LARGE1: variants seen among roughly 807,000 people sequenced by gnomAD.
The protein encoded by LARGE1 is LARGE xylosyl- and glucuronyltransferase 1.
In LARGE1, 43 loss-of-function variants were observed where a neutral mutation model predicts 87.6. That is an observed-to-expected ratio of 0.49 (90% CI 0.38 to 0.63). The LOEUF is 0.63. LARGE1 is among the 30% of genes least tolerant of loss of function. LARGE1 has a pLI of 0.00. For synonymous variants in LARGE1, 434 were observed against 394.6 expected, an observed-to-expected ratio of 1.10 and a Z score of -1.18; for missense variants, 802 against 1,000.2, an observed-to-expected ratio of 0.80 and a Z score of 2.67.
intron 6 of LARGE1, among the ~76,000 whole-genome samples, chr22:33,486,530 CAGAGAGAG>C (rs3831695): frequency 6.7e-6 from 1 of 150,166 alleles, no homozygotes; most frequent in Non-Finnish European, 1.5e-5. Flanking sequence ...GAGAGAGAGA[CAGAGAGAG>C]AGAGAGAGGA....
chr22:33,889,758 A>G (rs905958915), intron 1 of LARGE1, among the ~76,000 whole-genome samples: 1 of 152,206 alleles, frequency 6.6e-6, no homozygotes, highest in African/African-American at 2.4e-5. Context: ...GTCTGGAGTG[A>G]CCAGAAGATA....
chr22:33,385,260 G>T (rs1339778549), intron 7 of LARGE1, among the ~76,000 whole-genome samples: 1 of 148,288 alleles, frequency 6.7e-6, no homozygotes, highest in Non-Finnish European at 1.5e-5. Context: ...CAACAGCCGG[G>T]TGTGGTGGTG....
Position 33,650,542 on chromosome 22 carries a change from G to C in LARGE1, c.233C>G (p.Ala78Gly). 2 of 1,610,366 alleles carry C rather than the reference G, an allele frequency of 1.2e-6. No homozygotes were observed. The highest frequency in any genetic ancestry group is 1.7e-6 in the Non-Finnish European group (2 of 1,179,958). The change falls in exon 3 of 15, where the codon GCC (alanine) becomes GGC (glycine). Residue 78 changes from alanine (A) to glycine (G), a missense_variant. By Grantham distance (60) the Ala-to-Gly change is moderately conservative. Around this residue, in one of 2 missense-constraint regions of LARGE1, gnomAD observed 177 missense variants for 158.3 expected, o/e 1.12. Coordinates refer to ENST00000397394, the MANE Select transcript of LARGE1 (RefSeq NM_133642.5). ...RMREVEEENR[A>G]LRRQLSLAQG... is the part of the protein sequence containing the mutation. ...GGCCAGGCTGAGCTGCCTGCGGAGG[G>C]CGCGGTTCTCCTCCTCCACCTCGCG... is the stretch of plus-strand genomic sequence containing the variant.
chr22:33,749,842 T>A (rs980420894), intron 2 of LARGE1, among the ~76,000 whole-genome samples: 2 of 152,192 alleles, frequency 1.3e-5, no homozygotes, highest in African/African-American at 4.8e-5. Context: ...CTTGAGCATA[T>A]CGACTTTGAA....
intron 4 of LARGE1, among the ~76,000 whole-genome samples, chr22:33,618,323 A>G (rs1313822523): frequency 6.6e-6 from 1 of 152,234 alleles, no homozygotes; most frequent in Non-Finnish European, 1.5e-5. Flanking sequence ...ATGCAGTAAA[A>G]GCAGCATGGA....
intron 1 of LARGE1, among the ~76,000 whole-genome samples, chr22:33,830,507 G>A (rs925245504): frequency 3.9e-5 from 6 of 152,204 alleles, no homozygotes; most frequent in African/African-American, 4.8e-5. Flanking sequence ...CTTATCAGCT[G>A]TGTGACCTTG....
intron 1 of LARGE1, among the ~76,000 whole-genome samples, chr22:33,852,531 A>G (rs1278702814): frequency 6.6e-6 from 1 of 152,092 alleles, no homozygotes; most frequent in Admixed American, 6.6e-5. Flanking sequence ...TTAAAAAAAC[A>G]TACAGTCTGT....
At chr22:33,732,996 C>G (rs2267277) in intron 2 of LARGE1, 37,183 of 152,310 alleles carry the variant, frequency 0.24, 6,663 homozygotes, top group African/African-American at 0.52. Flanking sequence ...GACCAACTTG[C>G]AGCCGGGTGC....
intron 4 of LARGE1, among the ~76,000 whole-genome samples, chr22:33,620,917 G>T (rs547952352): frequency 1.9e-5 from 2 of 104,132 alleles, no homozygotes; most frequent in South Asian, 3.3e-4. Context: ...GACAGGACAA[G>T]AATCTGTCTC....
intron 13 of LARGE1, among the ~76,000 whole-genome samples, chr22:33,278,899 T>C (rs1929885093): frequency 6.6e-6 from 1 of 152,114 alleles, no homozygotes; most frequent in Non-Finnish European, 1.5e-5. Flanking sequence ...TTTGTATTTT[T>C]AGTAGACACG....
At chr22:33,912,750 A>G (rs1227647838) in intron 1 of LARGE1, among the ~76,000 whole-genome samples, 4 of 149,904 alleles carry the variant, frequency 2.7e-5, no homozygotes, top group Non-Finnish European at 4.4e-5. Flanking sequence ...GGAAAGCCTC[A>G]TAAGAGATAA....
In LARGE1 at chr22:33,846,473, G is replaced by T. The variant is rs551375142; in HGVS notation, c.-83+73522C>A. On this transcript the variant is annotated intron_variant, in intron 1 of 14. Transcript: ENST00000397394. ...TAACTGCACAAATTGTAGAGCATGT[G>T]TGTTTGAACAATATGAAATCTGGGC... 6.1e-3 allele frequency among the ~76,000 whole-genome samples: 931 copies of T among 152,266 alleles called. 7 individuals carry two copies. The highest frequency in any genetic ancestry group is 0.01 in the Non-Finnish European group (682 of 68,020).
intron 6 of LARGE1, among the ~76,000 whole-genome samples, chr22:33,527,704 G>C (rs1470673618): frequency 6.6e-6 from 1 of 152,136 alleles, no homozygotes; most frequent in Non-Finnish European, 1.5e-5. Context: ...TTAAAGGAAG[G>C]TGACAGCACA....
At chr22:33,450,267 T>C (rs1043250118) in intron 6 of LARGE1, among the ~76,000 whole-genome samples, 3 of 151,826 alleles carry the variant, frequency 2.0e-5, no homozygotes, top group African/African-American at 7.3e-5. Context: ...GGAATCAGAG[T>C]TGCAAGGGCC....
chr22:33,704,039 C>T (rs1569387981), intron 2 of LARGE1, among the ~76,000 whole-genome samples: 3 of 152,266 alleles, frequency 2.0e-5, no homozygotes, highest in East Asian at 1.9e-4. Context: ...TCCACTAAAG[C>T]GTCTTAGCAG....
chr22:33,425,929 G>C (rs1424119144), intron 7 of LARGE1, among the ~76,000 whole-genome samples: 2 of 152,048 alleles, frequency 1.3e-5, no homozygotes, highest in Non-Finnish European at 2.9e-5. Flanking sequence ...TGTATTTTTA[G>C]TAGAGACAGG....
intron 2 of LARGE1, among the ~76,000 whole-genome samples, chr22:33,678,526 A>C (rs185761965): frequency 6.6e-6 from 1 of 152,220 alleles, no homozygotes; most frequent in Admixed American, 6.5e-5. Context: ...ATGCTAGAAT[A>C]GGAAGCCTCA....
intron 11 of LARGE1, among the ~76,000 whole-genome samples, chr22:33,312,418 G>A (rs947364733): frequency 2.9e-5 from 4 of 135,916 alleles, no homozygotes; most frequent in African/African-American, 5.8e-5. Context: ...CTGGCCTGGC[G>A]ACACCGCAAG....
intron 1 of LARGE1, among the ~76,000 whole-genome samples, chr22:33,775,583 G>A (rs931036171): frequency 1.3e-5 from 2 of 152,216 alleles, no homozygotes; most frequent in Non-Finnish European, 2.9e-5. Flanking sequence ...GGGGCTCAGT[G>A]GCTCATGCCT....
Sources: gnomAD v4.1 joint callset for allele counts (sites outside exome capture counted in the v4.1 genomes callset) on GRCh38, gnomAD v4.1.1 for gene constraint, gnomAD v4.1.1 regional missense constraint, MANE v1.5 for transcripts, NCBI Gene and HGNC (gene_info 2026-07-23, HGNC 2026-07-21) for gene names.